UPF2: variants seen among roughly 807,000 people sequenced by gnomAD.
The protein encoded by UPF2 is regulator of nonsense transcripts 2.
UPF2 carries 17 observed loss-of-function variants against 141.4 expected under a neutral mutation model. The observed-to-expected ratio is 0.12, with a 90% CI of 0.08 to 0.18. UPF2 has a LOEUF of 0.18. Among genes scored for constraint, UPF2 ranks in the 10% least tolerant of loss-of-function variants. The pLI, the probability that UPF2 is intolerant of heterozygous loss-of-function variation, is 1.00. For synonymous variants in UPF2, 540 were observed against 498.0 expected (o/e 1.08, Z -1.12); for missense variants, 1,152 against 1,515.9 (o/e 0.76, Z 3.99).
At chr10:12,031,185 AAAAAAC>A (rs1588580079) in intron 2 of UPF2, among the ~76,000 whole-genome samples, 2 of 151,590 alleles carry the variant, frequency 1.3e-5, no homozygotes, top group Admixed American at 1.3e-4. Context: ...AAAAAAAAAA[AAAAAAC>A]AAAACAGTTT....
At chr10:11,941,438 T>C (rs891144754) in intron 18 of UPF2, among the ~76,000 whole-genome samples, 1 of 152,212 alleles carries the variant, frequency 6.6e-6, no homozygotes, top group African/African-American at 2.4e-5. Flanking sequence ...CTAAGACACC[T>C]ATAACACTAA....
At chr10:12,043,048 G>C (rs1323069763), upstream of UPF2, 2 of 152,308 alleles carry the variant, frequency 1.3e-5, no homozygotes, top group South Asian at 2.1e-4. Context: ...TTGACTCTGG[G>C]GTGGCGGGTC....
rs369811650 is a variant in UPF2 at position 12,014,610 on chromosome 10, T to C, written c.1146-426A>G. 1.1e-4 allele frequency among the ~76,000 whole-genome samples: 16 copies of C among 152,324 alleles called. No individual in the cohort carries two copies. The highest frequency in any genetic ancestry group is 9.8e-4 in the Admixed American group (15 of 15,280). ...TGATTTGAATCAGAAATATCATATT[T>C]AACAATATATCACAAAATAATCAAA... is the stretch of plus-strand genomic sequence containing the variant. On this transcript the variant is annotated intron_variant, in intron 3 of 21. Coordinates refer to ENST00000357604, the MANE Select transcript of UPF2 (RefSeq NM_015542.4). The surrounding 1 kb of genome is among the most constrained non-coding windows in gnomAD (Gnocchi z 5.0).
rs1255975220 is a variant in UPF2, at chr10:12,014,076, G to T, written c.1254C>A (p.Asp418Glu). The change falls in exon 4 of 22, where the codon GAC becomes GAA. Residue 418 changes from aspartate to glutamate, a missense_variant. Physicochemically the swap from Asp to Glu is conservative, Grantham distance 45 (BLOSUM62 2). This residue lies in a region of UPF2 where 739 missense variants were observed against 1,032.2 expected (regional missense o/e 0.72). Coordinates refer to ENST00000357604, the MANE Select transcript of UPF2 (RefSeq NM_015542.4). The surrounding 1 kb of genome is among the most constrained non-coding windows in gnomAD (Gnocchi z 5.0). ...GATCTGGCATATTTTCATCCAAAAG[G>T]TCTGCTAAGGATTGAGAATTTGCCA... ...KLLANSQSLA[D>E]LLDENMPDLP... 1.9e-6 allele frequency: 3 copies of T among 1,595,244 alleles called. No homozygotes were observed. The highest frequency in any genetic ancestry group is 1.1e-5 in the South Asian group (1 of 88,094).
chr10:12,003,087 T>C (rs1833978936), intron 5 of UPF2, among the ~76,000 whole-genome samples: 1 of 152,220 alleles, frequency 6.6e-6, no homozygotes, highest in South Asian at 2.1e-4. Context: ...TTCTACTTTC[T>C]CATTCATTCA....
intron 1 of UPF2, among the ~76,000 whole-genome samples, chr10:12,038,302 C>G (rs1834669208): frequency 6.6e-6 from 1 of 150,894 alleles, no homozygotes; most frequent in Non-Finnish European, 1.5e-5. Context: ...ACTGCTTGAA[C>G]CCAGAAAGCA....
At position 11,920,831 on chromosome 10, in the gene UPF2, T is replaced by C. The variant is rs1263557584; in HGVS notation, c.*467A>G. The C allele has an allele frequency of 2.9e-6, 1 of 349,530 alleles. No homozygotes were observed. Among genetic ancestry groups the C allele is most frequent in the Non-Finnish European group, 5.7e-6 (1 of 175,356 alleles). 21.7% of individuals were successfully genotyped at this position (349,530 alleles called of 1,614,324 possible). A position where few individuals can be genotyped will look rare whatever the true frequency, so the allele number is the denominator to read the frequency against. ...CTGCTTGCTCTATACTTTTCTACTGTAGTCCTGGAGCCCCCAAATGTATCT... is the reference window on the plus strand; with the variant it reads ...CTGCTTGCTCTATACTTTTCTACTGCAGTCCTGGAGCCCCCAAATGTATCT... On this transcript the variant is annotated 3_prime_UTR_variant, in exon 22 of 22. Coordinates refer to ENST00000357604, the MANE Select transcript of UPF2 (RefSeq NM_015542.4).
At chr10:12,001,973 A>G in intron 5 of UPF2, 148 bp from the exon 6 acceptor site, 1 of 740,486 alleles carries the variant, frequency 1.4e-6, no homozygotes, top group Non-Finnish European at 2.0e-6. Flanking sequence ...TAGATTTTAT[A>G]AAACACATTA....
chr10:11,930,734 A>G (rs1320247870), intron 20 of UPF2, among the ~76,000 whole-genome samples: 1 of 152,192 alleles, frequency 6.6e-6, no homozygotes, highest in Non-Finnish European at 1.5e-5. Flanking sequence ...TGATTGCGCC[A>G]CTGCACTCCA....
intron 15 of UPF2, among the ~76,000 whole-genome samples, chr10:11,950,929 G>C (rs1833065973): frequency 6.6e-6 from 1 of 152,214 alleles, no homozygotes; most frequent in South Asian, 2.1e-4. Context: ...CTTCAGATAT[G>C]CGATGTCGTA....
chr10:11,995,020 G>C (rs559359520), intron 8 of UPF2, among the ~76,000 whole-genome samples: 2 of 138,672 alleles, frequency 1.4e-5, no homozygotes, highest in Admixed American at 7.7e-5. Context: ...ATAGTTTCAA[G>C]TCTGGCAGGG....
chr10:11,996,178 G>A (rs781617701), intron 8 of UPF2, among the ~76,000 whole-genome samples: 1 of 152,068 alleles, frequency 6.6e-6, no homozygotes, highest in Non-Finnish European at 1.5e-5. Context: ...ATTATTTAAT[G>A]AATGAGTACA....
intron 21 of UPF2, among the ~76,000 whole-genome samples, chr10:11,923,738 C>A (rs1832676469): frequency 6.6e-6 from 1 of 151,326 alleles, no homozygotes; most frequent in Admixed American, 6.6e-5. Context: ...ACTTGGGAGG[C>A]TGAGGCACAA....
At chr10:12,000,810 GTAAA>G (rs1833939290) in intron 6 of UPF2, among the ~76,000 whole-genome samples, 1 of 151,718 alleles carries the variant, frequency 6.6e-6, no homozygotes, top group South Asian at 2.1e-4. Context: ...TCTCAAAAAA[GTAAA>G]TAAATAAAGG....
intron 8 of UPF2, among the ~76,000 whole-genome samples, chr10:11,983,993 G>A (rs112111050): frequency 2.5e-3 from 373 of 151,638 alleles, no homozygotes; most frequent in African/African-American, 7.9e-3. Context: ...GCGCGATCTC[G>A]GCTCACCACA....
intron 11 of UPF2, among the ~76,000 whole-genome samples, chr10:11,963,436 C>T (rs112656739): frequency 1.1e-4 from 16 of 152,210 alleles, no homozygotes; most frequent in African/African-American, 3.6e-4. Context: ...TCCCAAGTTC[C>T]AGAGATCCTC....
chr10:11,921,218 T>C lies in UPF2; in HGVS notation c.*80A>G. 10 of 1,582,308 alleles carry C rather than the reference T, an allele frequency of 6.3e-6. No individual in the cohort carries two copies. The highest frequency in any genetic ancestry group is 8.7e-6 in the Non-Finnish European group (10 of 1,151,006). ...GACCGACCTGCTGAGATGTGTCCAC[T>C]GCTCTCATTCAATTGCTGGAGGACT... On this transcript the variant is annotated 3_prime_UTR_variant, in exon 22 of 22. Transcript: ENST00000357604. This position sits in a 1 kb window ranked among gnomAD's most constrained non-coding sequence, Gnocchi z 5.9.
chr10:12,033,302 G>A (rs996744233), intron 2 of UPF2, among the ~76,000 whole-genome samples: 4 of 152,148 alleles, frequency 2.6e-5, no homozygotes, highest in African/African-American at 9.7e-5. Flanking sequence ...TTGGGAGGCT[G>A]AGGCAGGAGG....
intron 9 of UPF2, 60 bp downstream of exon 9, chr10:11,978,997 A>G: frequency 7.5e-7 from 1 of 1,327,008 alleles, no homozygotes; most frequent in African/African-American, 1.5e-5. Flanking sequence ...ACATTCTTAA[A>G]GAATCCTCAC....
Sources: allele counts gnomAD v4.1 joint callset (sites outside exome capture counted in the v4.1 genomes callset), GRCh38; gene constraint gnomAD v4.1.1; regional missense constraint gnomAD v4.1.1; non-coding constraint Gnocchi (gnomAD v3.1); transcripts MANE v1.5; gene names NCBI Gene and HGNC (gene_info 2026-07-23, HGNC 2026-07-21).